Variants in WWOX observed in about 807,000 individuals in gnomAD.
The protein encoded by WWOX is WW domain containing oxidoreductase.
Under a neutral mutation model 46.2 loss-of-function variants are expected in WWOX, and 69 were observed. The observed-to-expected ratio is 1.49, with a 90% CI of 1.23 to 1.82. The LOEUF (loss-of-function observed/expected upper bound fraction) is 1.82, where lower values mean the gene tolerates loss of function less well. Among genes scored for constraint, WWOX ranks in the 40% most tolerant of loss-of-function variants. The pLI is 0.00. For synonymous variants in WWOX, 359 were observed against 202.6 expected (o/e 1.77, Z -6.56); for missense variants, 919 against 542.6 (o/e 1.69, Z -6.89).
At chr16:79,127,605 C>A (rs1398670028) in intron 8 of WWOX, among the ~76,000 whole-genome samples, 2 of 152,192 alleles carry the variant, frequency 1.3e-5, no homozygotes, top group East Asian at 3.9e-4. Context: ...CACGTGCATG[C>A]ATGTATTTGC....
intron 4 of WWOX, among the ~76,000 whole-genome samples, chr16:78,137,730 G>A (rs997441331): frequency 2.8e-4 from 43 of 152,166 alleles, no homozygotes; most frequent in African/African-American, 1.0e-3. Flanking sequence ...CACTTTGGGA[G>A]TTTGATAAAA....
chr16:79,175,525 T>G (rs1249754631), intron 8 of WWOX, among the ~76,000 whole-genome samples: 1 of 152,200 alleles, frequency 6.6e-6, no homozygotes, highest in East Asian at 1.9e-4. Flanking sequence ...TAGGTAGATT[T>G]CTCACTTGTC....
chr16:79,129,821 G>A (rs1470629216), intron 8 of WWOX, among the ~76,000 whole-genome samples: 2 of 152,144 alleles, frequency 1.3e-5, no homozygotes, highest in African/African-American at 4.8e-5. Context: ...TGGACCAGTC[G>A]AAGGAGGGTG....
At chr16:79,013,627 C>G (rs2656658) in intron 8 of WWOX, among the ~76,000 whole-genome samples, 3 of 152,058 alleles carry the variant, frequency 2.0e-5, no homozygotes, top group African/African-American at 7.2e-5. Flanking sequence ...TCCTGTGCTG[C>G]CTGGGTCCCG....
chr16:78,667,531 C>T (rs576546338), intron 8 of WWOX, among the ~76,000 whole-genome samples: 38 of 151,910 alleles, frequency 2.5e-4, no homozygotes, highest in East Asian at 1.4e-3. Context: ...ATTAGCCAGG[C>T]GTGGTGGCAG....
At chr16:78,843,749 T>G (rs147135739) in intron 8 of WWOX, among the ~76,000 whole-genome samples, 1 of 152,334 alleles carries the variant, frequency 6.6e-6, no homozygotes, top group African/African-American at 2.4e-5. Context: ...GCATAACTGT[T>G]GCATCAAATA....
chr16:78,337,994 C>G (rs1179783251), intron 5 of WWOX, among the ~76,000 whole-genome samples: 1 of 119,718 alleles, frequency 8.4e-6, no homozygotes, highest in African/African-American at 2.8e-5. Context: ...ACTTGGCAAC[C>G]AAGCTGATGA....
At chr16:78,186,819 A>C (rs2151759264) in intron 5 of WWOX, among the ~76,000 whole-genome samples, 2 of 152,308 alleles carry the variant, frequency 1.3e-5, no homozygotes, top group South Asian at 4.1e-4. Context: ...TTCTCATAGA[A>C]GTTGCGAAGA....
At chr16:78,112,148 G>T (rs1165906521) in intron 3 of WWOX, among the ~76,000 whole-genome samples, 3 of 152,194 alleles carry the variant, frequency 2.0e-5, no homozygotes, top group Non-Finnish European at 4.4e-5. Flanking sequence ...GCCCAGTAGG[G>T]CTGGACCCTA....
chr16:78,614,011 A>G (rs2045960730), intron 8 of WWOX, among the ~76,000 whole-genome samples: 1 of 152,232 alleles, frequency 6.6e-6, no homozygotes, highest in African/African-American at 2.4e-5. Context: ...GACAGTAACC[A>G]TATGCCCACA....
At chr16:78,661,435 A>G (rs1223038118) in intron 8 of WWOX, among the ~76,000 whole-genome samples, 1 of 151,894 alleles carries the variant, frequency 6.6e-6, no homozygotes, top group Non-Finnish European at 1.5e-5. Flanking sequence ...CATCACATTG[A>G]TTTTCTGTAT....
Position 79,028,440 on chromosome 16 carries a change from G to A in WWOX, c.1057-183168G>A, listed in dbSNP as rs191961238. ...TGTACAGCGCTTATCTGTGGCATTT[G>A]ATTAGGACATTTTACTGAAGAGTTG... On this transcript the variant is annotated intron_variant, in intron 8 of 8. Transcript: ENST00000566780. 7.9e-5 allele frequency among the ~76,000 whole-genome samples: 12 copies of A among 151,890 alleles called. No individual in the cohort carries two copies. In the East Asian group the frequency reaches 2.3e-3, roughly 29 times the overall value.
chr16:78,419,418 C>G (rs918501375), intron 6 of WWOX, among the ~76,000 whole-genome samples: 1 of 151,942 alleles, frequency 6.6e-6, no homozygotes, highest in African/African-American at 2.4e-5. Context: ...AAGACAGTGT[C>G]ATATTGGCAT....
chr16:78,620,692 G>GT (rs35512212), intron 8 of WWOX, among the ~76,000 whole-genome samples: 67,426 of 151,276 alleles, frequency 0.45, 16,816 homozygotes, highest in Middle Eastern at 0.59. Context: ...AGGAAATATG[G>GT]TTTTTTTTTC....
intron 8 of WWOX, among the ~76,000 whole-genome samples, chr16:78,608,740 A>T (rs1307237010): frequency 5.3e-5 from 8 of 152,188 alleles, no homozygotes; most frequent in Admixed American, 1.3e-4. Context: ...CATTTGGAGT[A>T]CTGCGGACCC....
At chr16:78,401,272 T>TCAA (rs2082406711) in intron 6 of WWOX, among the ~76,000 whole-genome samples, 1 of 146,162 alleles carries the variant, frequency 6.8e-6, no homozygotes, top group African/African-American at 2.7e-5. Context: ...GATAGTAAAT[T>TCAA]AACAAAGTGG....
chr16:78,812,635 A>G lies in WWOX; in HGVS notation c.1056+379883A>G, dbSNP rs185323719. On this transcript the variant is annotated intron_variant, in intron 8 of 8. Coordinates refer to ENST00000566780, the MANE Select transcript of WWOX (RefSeq NM_016373.4). The stretch of plus-strand genomic sequence containing the variant: ...CAGCTGCTCGGGAGGCTGACGCGCG[A>G]GAATCACTTGAACCCAGGAGGCGAA... Among the ~76,000 whole-genome samples the G allele has an allele frequency of 6.6e-5, 10 of 152,184 alleles. No homozygotes were observed. The East Asian group carries it at 1.9e-3, about 30-fold the overall frequency.
In WWOX at chr16:78,599,929, G is replaced by C. The variant is rs2045581121; in HGVS notation, c.1056+167177G>C. Among the ~76,000 whole-genome samples, 3 of 152,098 alleles carry C rather than the reference G, an allele frequency of 2.0e-5. No individual in the cohort carries two copies. In the South Asian group the frequency reaches 6.2e-4, roughly 32 times the overall value. ...AGATGCCGTGGGGGTGTATTAGTCT[G>C]TTTCCTTGCTGTTGATAAACACATA... is the stretch of plus-strand genomic sequence containing the variant. On this transcript the variant is annotated intron_variant, in intron 8 of 8. Coordinates refer to ENST00000566780, the MANE Select transcript of WWOX (RefSeq NM_016373.4).
chr16:78,277,829 T>C (rs150527861), intron 5 of WWOX, among the ~76,000 whole-genome samples: 1 of 152,266 alleles, frequency 6.6e-6, no homozygotes, highest in East Asian at 1.9e-4. Context: ...AATCTGGAAA[T>C]TTTACATAAC....
Sources: allele counts gnomAD v4.1 joint callset (sites outside exome capture counted in the v4.1 genomes callset), GRCh38; gene constraint gnomAD v4.1.1; transcripts MANE v1.5; gene names NCBI Gene and HGNC (gene_info 2026-07-23, HGNC 2026-07-21).